Variants in CHD5 observed in about 807,000 individuals in gnomAD.
CHD5 encodes the protein chromodomain helicase DNA binding protein 5, also known as ATP-dependent chromatin remodeler CHD5.
Under a neutral mutation model 230.3 loss-of-function variants are expected in CHD5, and 69 were observed. The observed-to-expected ratio is 0.30, with a 90% CI of 0.25 to 0.37. The LOEUF is 0.37. CHD5 is among the 10% of genes least tolerant of loss of function. The pLI, the probability that CHD5 is intolerant of heterozygous loss-of-function variation, is 1.00. For synonymous variants in CHD5, 1,064 were observed against 1,065.9 expected, an observed-to-expected ratio of 1.00 and a Z score of 0.03; for missense variants, 1,827 against 2,622.8, an observed-to-expected ratio of 0.70 and a Z score of 6.63.
intron 17 of CHD5, 97 bp from the exon 18 acceptor site, chr1:6,135,500 G>T: frequency 3.7e-6 from 4 of 1,082,028 alleles, no homozygotes; most frequent in Non-Finnish European, 5.3e-6. Context: ...GCTAGCTGGT[G>T]AACCAGGGAG....
In CHD5 at chr1:6,170,566, G is replaced by A. The variant is rs375264589; in HGVS notation, c.80-2289C>T. On this transcript the variant is annotated intron_variant, in intron 1 of 41. Transcript: ENST00000262450. Reference sequence around the variant, plus strand: ...TGTCTTGGTGCCTCTCTGCACCAGGGCCTCCCTCAAGGGTGGCCAGGTGCT... The same window carrying A: ...TGTCTTGGTGCCTCTCTGCACCAGGACCTCCCTCAAGGGTGGCCAGGTGCT... 8.1e-4 allele frequency among the ~76,000 whole-genome samples: 124 copies of A among 152,256 alleles called. 4 individuals carry two copies. In the South Asian group the frequency reaches 0.016, roughly 20 times the overall value.
At position 6,125,159 on chromosome 1, in the gene CHD5, G is replaced by A. The variant is rs753231496; in HGVS notation, c.4335C>T (p.Asp1445=). ...GCACCAGCCAGTGGGAGTTGAAGGC[G>A]TCCTGCGGGGGCATGCCCCAGCGCA... ...AIMRWGMPPQ[D]AFNSHWLVRD... Residue 1445 remains aspartate, a synonymous_variant, in exon 29 of 42, where the codon GAC becomes GAT. Coordinates refer to ENST00000262450, the MANE Select transcript of CHD5 (RefSeq NM_015557.3). The surrounding 1 kb of genome is among the most constrained non-coding windows in gnomAD (Gnocchi z 6.7). The A allele has an allele frequency of 4.4e-5, 71 of 1,606,166 alleles. No homozygotes were observed. Among genetic ancestry groups the A allele is most frequent in the South Asian group, 3.6e-4 (32 of 89,496 alleles).
chr1:6,127,564 A>T (rs1666579732), intron 25 of CHD5, among the ~76,000 whole-genome samples: 1 of 151,616 alleles, frequency 6.6e-6, no homozygotes, highest in South Asian at 2.1e-4. Context: ...GCAGGCCCTG[A>T]GGAAGGGGCG....
Position 6,146,920 on chromosome 1 carries a change from A to G in CHD5, c.1384-49T>C, listed in dbSNP as rs1035383205. On this transcript the variant is annotated intron_variant, in intron 9 of 41. Coordinates refer to ENST00000262450, the MANE Select transcript of CHD5 (RefSeq NM_015557.3). The surrounding 1 kb of genome is among the most constrained non-coding windows in gnomAD (Gnocchi z 5.1). ...AGGTGGGGCTCAGCTGCAGGGCCCCACCCTGAGGCTCCCATGACAGCAGGC... is the reference window on the plus strand; with the variant it reads ...AGGTGGGGCTCAGCTGCAGGGCCCCGCCCTGAGGCTCCCATGACAGCAGGC... The G allele has an allele frequency of 2.2e-6, 3 of 1,378,216 alleles. No homozygotes were observed. The highest frequency in any genetic ancestry group is 2.9e-6 in the Non-Finnish European group (3 of 1,035,750). The allele number at this position is 1,378,216 out of a possible 1,614,324, so 85.4% of individuals were successfully genotyped here.
chr1:6,170,588 T>C (rs1404590599), intron 1 of CHD5, among the ~76,000 whole-genome samples: 1 of 152,062 alleles, frequency 6.6e-6, no homozygotes, highest in Non-Finnish European at 1.5e-5. Flanking sequence ...GGTGGCCAGG[T>C]GCTTGGGGCT....
rs757461454 is a variant in CHD5, at chr1:6,154,708, C to T, written c.697G>A (p.Val233Met). ...TTGCGGATAGGCACAGGCTGGGGCA[C>T]CTGCGGGGGGCTGACGGCTAGCGGA... Reference protein sequence around the residue: ...SPPLAVSPPQVPQPVPIRKAK... With the variant: ...SPPLAVSPPQMPQPVPIRKAK... Residue 233 changes from valine to methionine, a missense_variant, in exon 5 of 42, where the codon GTG becomes ATG. Coordinates refer to ENST00000262450, the MANE Select transcript of CHD5 (RefSeq NM_015557.3). This position sits in a 1 kb window ranked among gnomAD's most constrained non-coding sequence, Gnocchi z 7.0. 16 of 1,603,136 alleles carry T rather than the reference C, an allele frequency of 1.0e-5. No homozygotes were observed. Among genetic ancestry groups the T allele is most frequent in the Middle Eastern group, 1.8e-4 (1 of 5,576 alleles).
chr1:6,125,604 G>A lies in CHD5; in HGVS notation c.4180C>T (p.Arg1394Ter). ...EERPEGQSGR[R>*]QSRRQLKSDR... The stretch of plus-strand genomic sequence containing the variant: ...CTCTTCAGCTGCCTCCGGGATTGTC[G>A]TCGTCCACCTGGGGAGCAGCCCGCC... Residue 1394 changes from arginine (R) to a stop codon, truncating the protein, a stop_gained, in exon 28 of 42, where the codon CGA becomes TGA. Coordinates refer to ENST00000262450, the MANE Select transcript of CHD5 (RefSeq NM_015557.3). LOFTEE classifies it high-confidence loss of function. This position sits in a 1 kb window ranked among gnomAD's most constrained non-coding sequence, Gnocchi z 6.7. The A allele has an allele frequency of 6.2e-7, 1 of 1,609,504 alleles. No homozygotes were observed.
Position 6,146,868 on chromosome 1 carries a change from G to T in CHD5, c.1387C>A (p.Pro463Thr). The T allele has an allele frequency of 6.6e-7, 1 of 1,506,040 alleles. No homozygotes were observed. The highest frequency in any genetic ancestry group is 8.9e-7 in the Non-Finnish European group (1 of 1,124,876). 93.3% of individuals were successfully genotyped at this position (1,506,040 alleles called of 1,614,324 possible). The change falls in exon 10 of 42, where the codon CCC becomes ACC. Residue 463 changes from proline to threonine, a missense_variant. By Grantham distance (38) the Pro-to-Thr change is conservative. Around this residue, in one of 14 missense-constraint regions of CHD5, gnomAD observed 657 missense variants for 816.4 expected, o/e 0.80. Transcript: ENST00000262450. The surrounding 1 kb of genome is among the most constrained non-coding windows in gnomAD (Gnocchi z 5.1). ...CGCTGGACTTTGCCCTTCAGTGGGG[G>T]GCACTGTGGACAGAGAAGGGTCCCC... ...GEWLCPRCTC[P>T]PLKGKVQRIL... is the part of the protein sequence containing the mutation.
At chr1:6,161,477 T>C (rs966141643) in intron 2 of CHD5, among the ~76,000 whole-genome samples, 3 of 152,160 alleles carry the variant, frequency 2.0e-5, no homozygotes, top group Admixed American at 6.5e-5. Context: ...CTTAGCCCAT[T>C]AAGCCTCCAG....
chr1:6,155,715 C>G lies in CHD5; in HGVS notation c.390G>C (p.Glu130Asp). The G allele has an allele frequency of 6.2e-7, 1 of 1,613,566 alleles. No homozygotes were observed. The highest frequency in any genetic ancestry group is 8.5e-7 in the Non-Finnish European group (1 of 1,179,582). Residue 130 changes from glutamate to aspartate, a missense_variant and splice_region_variant, in exon 4 of 42, where the codon GAG (glutamate) becomes GAC (aspartate). Glu to Asp is a conservative substitution (Grantham distance 45). This residue lies in a region of CHD5 where 657 missense variants were observed against 816.4 expected (regional missense o/e 0.80). Transcript: ENST00000262450. The surrounding 1 kb of genome is among the most constrained non-coding windows in gnomAD (Gnocchi z 4.0). ...EDDNDDGCLKEPKSSGQLMAE... is the reference protein window; with the variant it reads ...EDDNDDGCLKDPKSSGQLMAE... ...CCATGAGCTGCCCCGAGGACTTGGG[C>G]TCCTACAGAGACCCAGGCCAGAGGT...
Position 6,154,817 on chromosome 1 carries a change from G to T in CHD5, c.588C>A (p.Ser196Arg). 1 of 1,613,890 alleles carries T rather than the reference G, an allele frequency of 6.2e-7. No individual in the cohort carries two copies. Residue 196 changes from serine to arginine, a missense_variant, in exon 5 of 42, where the codon AGC becomes AGA. Ser to Arg is a moderately radical substitution (Grantham distance 110). Transcript: ENST00000262450. This position sits in a 1 kb window ranked among gnomAD's most constrained non-coding sequence, Gnocchi z 7.0. ...TVLGAKWREF[S>R]ANNPFKGSSA... is the part of the protein sequence containing the mutation. Reference sequence around the variant, plus strand: ...AGCTGCCCTTGAAGGGGTTGTTGGCGCTGAACTCCCGCCACTTGGCACCCA... The same window carrying T: ...AGCTGCCCTTGAAGGGGTTGTTGGCTCTGAACTCCCGCCACTTGGCACCCA...
chr1:6,140,072 C>T (rs951171218), intron 15 of CHD5, among the ~76,000 whole-genome samples: 4 of 152,204 alleles, frequency 2.6e-5, no homozygotes, highest in East Asian at 1.9e-4. Context: ...CCAATGGCTA[C>T]AAGTCCTCAT....
intron 15 of CHD5, among the ~76,000 whole-genome samples, chr1:6,138,044 C>T (rs1034606611): frequency 6.6e-6 from 1 of 152,150 alleles, no homozygotes; most frequent in Non-Finnish European, 1.5e-5. Context: ...TGCACTCTCC[C>T]GGTGAGGATC....
chr1:6,109,867 C>T lies in CHD5; in HGVS notation c.5506G>A (p.Ala1836Thr). 2.5e-6 allele frequency: 4 copies of T among 1,612,720 alleles called. No individual in the cohort carries two copies. The highest frequency in any genetic ancestry group is 3.4e-6 in the Non-Finnish European group (4 of 1,179,644). Residue 1836 changes from alanine to threonine, a missense_variant, in exon 38 of 42, where the codon GCC (alanine) becomes ACC (threonine). This residue lies in a region of CHD5 where 208 missense variants were observed against 302.0 expected (regional missense o/e 0.69). Coordinates refer to ENST00000262450, the MANE Select transcript of CHD5 (RefSeq NM_015557.3). ...NARLAEVECL[A>T]ESHQHLSKES... ...TTGGACAGGTGCTGGTGGCTCTCGG[C>T]GAGGCACTCCACTTCAGCCAGGCGG...
Position 6,167,191 on chromosome 1 carries a change from C to G in CHD5, c.207+959G>C, listed in dbSNP as rs576702811. 2.0e-5 allele frequency among the ~76,000 whole-genome samples: 3 copies of G among 151,442 alleles called. No homozygotes were observed. The highest frequency in any genetic ancestry group is 2.9e-5 in the Non-Finnish European group (2 of 68,012). ...GAAAGGTGGAGAGCTGGCCTCAGGT[C>G]CCCCCGGGGCAGGTGGGAGGGGAGA... On this transcript the variant is annotated intron_variant, in intron 2 of 41. Transcript: ENST00000262450. This position sits in a 1 kb window ranked among gnomAD's most constrained non-coding sequence, Gnocchi z 4.5.
Position 6,126,698 on chromosome 1 carries a change from C to T in CHD5, c.3952G>A (p.Asp1318Asn). ...IIKQEENVDP[D>N]YWEKLLRHHY... ...TGCCGCAGCAGCTTCTCCCAGTAGT[C>T]GGGGTCCACGTTCTCCTCCTGCTTG... The change falls in exon 26 of 42, where the codon GAC becomes AAC. Residue 1318 changes from aspartate (D) to asparagine (N), a missense_variant. Around this residue, in one of 14 missense-constraint regions of CHD5, gnomAD observed 137 missense variants for 272.7 expected, o/e 0.50. Transcript: ENST00000262450. This position sits in a 1 kb window ranked among gnomAD's most constrained non-coding sequence, Gnocchi z 5.7. 1.9e-6 allele frequency: 3 copies of T among 1,614,036 alleles called. No individual in the cohort carries two copies. Among genetic ancestry groups the T allele is most frequent in the Non-Finnish European group, 1.7e-6 (2 of 1,179,998 alleles).
intron 5 of CHD5, 109 bp from the exon 6 acceptor site, chr1:6,152,645 C>T (rs1667023998): frequency 1.2e-5 from 18 of 1,541,370 alleles, no homozygotes; most frequent in Non-Finnish European, 1.6e-5. Context: ...GTCATTTCTA[C>T]CATCACCCCG....
chr1:6,129,957 G>A lies in CHD5; in HGVS notation c.3387+247C>T, dbSNP rs112244957. 2.0e-3 allele frequency among the ~76,000 whole-genome samples: 308 copies of A among 152,286 alleles called. 1 individual carries two copies. Among genetic ancestry groups the A allele is most frequent in the African/African-American group, 7.1e-3 (295 of 41,568 alleles). On this transcript the variant is annotated intron_variant, in intron 22 of 41. Transcript: ENST00000262450. This position sits in a 1 kb window ranked among gnomAD's most constrained non-coding sequence, Gnocchi z 6.8. ...GCCACTAGGAACTGCTGTGCGCCCT[G>A]GGACACTTCCCCTGCCCTCTCCAAG... is the stretch of plus-strand genomic sequence containing the variant.
intron 31 of CHD5, among the ~76,000 whole-genome samples, chr1:6,122,052 C>G (rs1047437112): frequency 6.6e-6 from 1 of 152,244 alleles, no homozygotes; most frequent in Non-Finnish European, 1.5e-5. Flanking sequence ...GCCGGGAAAG[C>G]GGAGGCCCAC....
Sources: gnomAD v4.1 joint callset for allele counts (sites outside exome capture counted in the v4.1 genomes callset) on GRCh38, gnomAD v4.1.1 for gene constraint, gnomAD v4.1.1 regional missense constraint, Gnocchi (gnomAD v3.1) non-coding constraint, MANE v1.5 for transcripts, NCBI Gene and HGNC (gene_info 2026-07-23, HGNC 2026-07-21) for gene names.